Variants in TRIP4 observed in about 807,000 individuals in gnomAD.
The protein encoded by TRIP4 is activating signal cointegrator 1.
In TRIP4, 54 loss-of-function variants were observed where a neutral mutation model predicts 81.8. The ratio of observed to expected loss-of-function variants is 0.66; its 90% CI spans 0.53 to 0.83. The LOEUF (loss-of-function observed/expected upper bound fraction) is 0.83. Among genes scored for constraint, TRIP4 ranks in the 40% least tolerant of loss-of-function variants. The probability of loss-of-function intolerance (pLI) is 0.00; values close to 1 mark genes in which losing one functional copy is unlikely to be tolerated. For synonymous variants in TRIP4, 270 were observed against 242.8 expected (o/e 1.11, Z -1.04); for missense variants, 662 against 683.6 (o/e 0.97, Z 0.35).
At chr15:64,436,994 T>G (rs770782248) in intron 11 of TRIP4, among the ~76,000 whole-genome samples, 1 of 151,540 alleles carries the variant, frequency 6.6e-6, no homozygotes, top group Non-Finnish European at 1.5e-5. Context: ...GGCATGAGCC[T>G]CCAGGCCTGG....
intron 5 of TRIP4, among the ~76,000 whole-genome samples, chr15:64,401,621 A>G (rs1322241777): frequency 6.6e-6 from 1 of 152,204 alleles, no homozygotes; most frequent in Non-Finnish European, 1.5e-5. Flanking sequence ...TATTAAGACT[A>G]CATAACATTG....
rs747969829 is a variant in TRIP4 at position 64,418,550 on chromosome 15, C to G, written c.1180C>G (p.His394Asp). Residue 394 changes from histidine to aspartate, a missense_variant, in exon 9 of 13, where the codon CAC becomes GAC. Transcript: ENST00000261884. ...TTGTTTTTCTGTGTAGTGGGTTGAC[C>G]ACACAGGTGCAGCCTCACAGAAGAA... is the stretch of plus-strand genomic sequence containing the variant. ...MYQSPPQWVD[H>D]TGAASQKKAF... 2.5e-6 allele frequency: 4 copies of G among 1,611,694 alleles called. No homozygotes were observed. The Admixed American group carries it at 6.7e-5, about 27-fold the overall frequency.
At position 64,420,812 on chromosome 15, in the gene TRIP4, G is replaced by C. The variant is rs142743080; in HGVS notation, c.1358+2084G>C. ...CTCTCAAAGTGCTGGGATTATAGGC[G>C]TGAGCCACCGTGCCAGGCCATTTCT... On this transcript the variant is annotated intron_variant, in intron 9 of 12. Coordinates refer to ENST00000261884, the MANE Select transcript of TRIP4 (RefSeq NM_016213.5). 6.1e-3 allele frequency among the ~76,000 whole-genome samples: 930 copies of C among 152,094 alleles called. 9 individuals are homozygous for C. The highest frequency in any genetic ancestry group is 0.021 in the African/African-American group (873 of 41,514).
At chr15:64,415,940 G>A (rs1001549441) in intron 8 of TRIP4, among the ~76,000 whole-genome samples, 5 of 152,190 alleles carry the variant, frequency 3.3e-5, no homozygotes. Flanking sequence ...GGATTGGAGG[G>A]AAGAGTAAGT....
intron 8 of TRIP4, 131 bp downstream of exon 8, chr15:64,414,342 C>G: frequency 8.2e-6 from 10 of 1,214,856 alleles, no homozygotes; most frequent in East Asian, 2.4e-5. Context: ...TCAGCTCTCT[C>G]AACACACCTG....
At chr15:64,389,164 A>G (rs533170804) in intron 1 of TRIP4, among the ~76,000 whole-genome samples, 1 of 152,346 alleles carries the variant, frequency 6.6e-6, no homozygotes, top group Admixed American at 6.5e-5. Context: ...GGAGAAAACT[A>G]CAAAAATGGG....
At chr15:64,405,387 C>T (rs1333145409) in intron 5 of TRIP4, among the ~76,000 whole-genome samples, 3 of 151,964 alleles carry the variant, frequency 2.0e-5, no homozygotes, top group Non-Finnish European at 4.4e-5. Flanking sequence ...ATCTCCTGAC[C>T]TCATGATCCG....
At chr15:64,451,635 C>A (rs1401909753) in intron 12 of TRIP4, among the ~76,000 whole-genome samples, 1 of 151,288 alleles carries the variant, frequency 6.6e-6, no homozygotes, top group African/African-American at 2.4e-5. Flanking sequence ...CCATACCCGG[C>A]TAATTTTTTA....
intron 8 of TRIP4, among the ~76,000 whole-genome samples, chr15:64,417,111 G>A (rs1428117900): frequency 6.6e-6 from 1 of 152,152 alleles, no homozygotes; most frequent in African/African-American, 2.4e-5. Context: ...AGGCTCGAGA[G>A]ATCCTCCCAT....
intron 6 of TRIP4, among the ~76,000 whole-genome samples, chr15:64,409,190 C>CAAA (rs779332196): frequency 8.1e-6 from 1 of 123,200 alleles, no homozygotes; most frequent in African/African-American, 3.1e-5. Context: ...GACTCTGTCT[C>CAAA]AAAAAAAAAA....
intron 4 of TRIP4, among the ~76,000 whole-genome samples, chr15:64,398,487 C>A (rs1234837352): frequency 6.6e-6 from 1 of 150,612 alleles, no homozygotes; most frequent in Non-Finnish European, 1.5e-5. Flanking sequence ...GTGGTGCACA[C>A]CTGTGGTAGC....
chr15:64,453,890 C>T (rs1162278584), intron 12 of TRIP4, among the ~76,000 whole-genome samples: 1 of 152,164 alleles, frequency 6.6e-6, no homozygotes, highest in Non-Finnish European at 1.5e-5. Flanking sequence ...CTTAATTGGA[C>T]AAGTGAAAAT....
Position 64,445,145 on chromosome 15 carries a change from T to A in TRIP4, c.1678+37T>A, listed in dbSNP as rs781577742. 1.4e-5 allele frequency: 16 copies of A among 1,170,078 alleles called. No individual in the cohort carries two copies. The South Asian group carries it at 2.1e-4, about 15-fold the overall frequency. The allele number at this position is 1,170,078 out of a possible 1,614,324, so 72.5% of individuals were successfully genotyped here. Reference sequence around the variant, plus strand: ...TTTTTTTTCTTTAAGACTAGTCAAGTGCAGTAGTAAGGAATGGGGAAAAAA... The same window carrying A: ...TTTTTTTTCTTTAAGACTAGTCAAGAGCAGTAGTAAGGAATGGGGAAAAAA... On this transcript the variant is annotated intron_variant, in intron 12 of 12. Transcript: ENST00000261884.
chr15:64,447,046 G>A (rs1393680918), intron 12 of TRIP4, among the ~76,000 whole-genome samples: 2 of 152,176 alleles, frequency 1.3e-5, no homozygotes, highest in African/African-American at 2.4e-5. Flanking sequence ...GGAGCTTACA[G>A]TGAGTCGAGA....
At chr15:64,448,979 G>A (rs925203713) in intron 12 of TRIP4, among the ~76,000 whole-genome samples, 1 of 152,132 alleles carries the variant, frequency 6.6e-6, no homozygotes, top group African/African-American at 2.4e-5. Flanking sequence ...GGAATCTGAG[G>A]CAGGAGGATC....
intron 11 of TRIP4, among the ~76,000 whole-genome samples, chr15:64,438,853 G>A (rs1271473527): frequency 1.3e-5 from 2 of 152,204 alleles, no homozygotes; most frequent in South Asian, 2.1e-4. Flanking sequence ...AGACCTGGTT[G>A]TAGCTGCTTC....
chr15:64,419,990 A>AT (rs1410915704), intron 9 of TRIP4, among the ~76,000 whole-genome samples: 2 of 149,972 alleles, frequency 1.3e-5, no homozygotes. Flanking sequence ...TAATTTTTGT[A>AT]TTTTTAGTAG....
intron 12 of TRIP4, among the ~76,000 whole-genome samples, chr15:64,449,948 A>G (rs1251606986): frequency 6.6e-6 from 1 of 152,182 alleles, no homozygotes; most frequent in Non-Finnish European, 1.5e-5. Context: ...ACTTTCTTTT[A>G]GGCACTATGA....
intron 1 of TRIP4, among the ~76,000 whole-genome samples, chr15:64,390,920 C>A (rs543007073): frequency 1.3e-5 from 2 of 151,988 alleles, no homozygotes; most frequent in Non-Finnish European, 2.9e-5. Context: ...TTATATTCCG[C>A]CTGGGAAGGA....
Sources: gnomAD v4.1 joint callset for allele counts (sites outside exome capture counted in the v4.1 genomes callset) on GRCh38, gnomAD v4.1.1 for gene constraint, MANE v1.5 for transcripts, NCBI Gene and HGNC (gene_info 2026-07-23, HGNC 2026-07-21) for gene names.